Variants in EYA4 observed in about 807,000 individuals in gnomAD.
EYA4 encodes the protein EYA transcriptional coactivator and phosphatase 4, also known as protein phosphatase EYA4.
Under a neutral mutation model 87.9 loss-of-function variants are expected in EYA4, and 31 were observed. That is an observed-to-expected ratio of 0.35 (90% CI 0.27 to 0.48). The LOEUF (loss-of-function observed/expected upper bound fraction) is 0.48. Among genes scored for constraint, EYA4 ranks in the 20% least tolerant of loss-of-function variants. The pLI is 0.99. For synonymous variants in EYA4, 263 were observed against 270.6 expected (o/e 0.97, Z 0.28); for missense variants, 678 against 761.4 (o/e 0.89, Z 1.29).
intron 17 of EYA4, among the ~76,000 whole-genome samples, chr6:133,522,338 G>A (rs79610075): frequency 0.037 from 5,579 of 151,284 alleles, 160 homozygotes; most frequent in Non-Finnish European, 0.054. Flanking sequence ...CTACCGTGTA[G>A]AGTATATACA....
chr6:133,437,686 T>A (rs989003790), intron 3 of EYA4, among the ~76,000 whole-genome samples: 2 of 152,144 alleles, frequency 1.3e-5, no homozygotes, highest in Non-Finnish European at 2.9e-5. Context: ...AAACTTATAA[T>A]TATGGCAAAA....
chr6:133,350,066 G>C (rs1018674683), intron 2 of EYA4, among the ~76,000 whole-genome samples: 2 of 152,070 alleles, frequency 1.3e-5, no homozygotes, highest in African/African-American at 4.8e-5. Flanking sequence ...ATAATTCCTA[G>C]AATCTTTTTG....
intron 3 of EYA4, among the ~76,000 whole-genome samples, chr6:133,387,234 A>G (rs1013478762): frequency 6.6e-6 from 1 of 152,226 alleles, no homozygotes; most frequent in Admixed American, 6.5e-5. Context: ...ATTTGCTAGT[A>G]AAATAATTAT....
At chr6:133,253,870 A>G (rs906920826) in intron 1 of EYA4, among the ~76,000 whole-genome samples, 1 of 152,110 alleles carries the variant, frequency 6.6e-6, no homozygotes, top group African/African-American at 2.4e-5. Flanking sequence ...GGGAGAGATC[A>G]TATCTTTTTC....
intron 2 of EYA4, among the ~76,000 whole-genome samples, chr6:133,319,947 A>G (rs184222088): frequency 6.6e-6 from 1 of 152,066 alleles, no homozygotes; most frequent in Non-Finnish European, 1.5e-5. Flanking sequence ...TCCTGGGCTC[A>G]AGCAATCCAC....
At chr6:133,276,938 C>T (rs562492594) in intron 2 of EYA4, among the ~76,000 whole-genome samples, 1 of 151,208 alleles carries the variant, frequency 6.6e-6, no homozygotes, top group East Asian at 1.9e-4. Context: ...AAGAATCAGC[C>T]CCTTTACATG....
chr6:133,506,510 C>G (rs146672304), intron 14 of EYA4, among the ~76,000 whole-genome samples: 1 of 152,136 alleles, frequency 6.6e-6, no homozygotes, highest in African/African-American at 2.4e-5. Flanking sequence ...ATTATTAACC[C>G]GGAACCTATC....
rs1795036008 is a variant in EYA4 at position 133,468,459 on chromosome 6, A to C, written c.805-107A>C. The C allele has an allele frequency of 1.5e-5, 14 of 916,698 alleles. No individual in the cohort carries two copies. The Middle Eastern group carries it at 6.8e-4, about 45-fold the overall frequency. The allele number at this position is 916,698 out of a possible 1,614,324, so 56.8% of individuals were successfully genotyped here. ...CTCAAAGCTGTGGACTCAGAAACAA[A>C]TGGGGCTGAGTACTAATCTTTCAGT... On this transcript the variant is annotated intron_variant, in intron 10 of 19. Coordinates refer to ENST00000355286, the MANE Select transcript of EYA4 (RefSeq NM_004100.5).
chr6:133,356,997 C>T (rs151162500), intron 2 of EYA4, among the ~76,000 whole-genome samples: 13,464 of 151,724 alleles, frequency 0.089, 758 homozygotes, highest in East Asian at 0.16. Flanking sequence ...AAAGGCCAGG[C>T]GCGGTGGCTC....
intron 11 of EYA4, among the ~76,000 whole-genome samples, chr6:133,469,137 G>T (rs1795111014): frequency 1.3e-5 from 2 of 151,964 alleles, no homozygotes; most frequent in African/African-American, 4.8e-5. Context: ...ACATTCCTGG[G>T]ATTTGTAGAA....
chr6:133,297,294 G>C (rs1779016705), intron 2 of EYA4, among the ~76,000 whole-genome samples: 1 of 152,130 alleles, frequency 6.6e-6, no homozygotes, highest in Non-Finnish European at 1.5e-5. Context: ...CTATCATCTG[G>C]GGTTAGTTTA....
In EYA4 at chr6:133,294,023, TTATATATATATA is replaced by T. The variant is rs71771244; in HGVS notation, c.33+19239_33+19250del. 6.8e-3 allele frequency among the ~76,000 whole-genome samples: 533 copies of T among 78,768 alleles called. 27 individuals carry two copies. Among genetic ancestry groups the T allele is most frequent in the African/African-American group, 0.025 (489 of 19,310 alleles). The allele number at this position is 78,768 out of a possible 152,430, so 51.7% of individuals were successfully genotyped here. On this transcript the variant is annotated intron_variant, in intron 2 of 19. Coordinates refer to ENST00000355286, the MANE Select transcript of EYA4 (RefSeq NM_004100.5). ...AATTCCTGTGCTCCCTAGGGTGATT[TTATATATATATA>T]TATATATATATATATATATATATAT...
chr6:133,321,639 C>T (rs946147324), intron 2 of EYA4, among the ~76,000 whole-genome samples: 1 of 152,104 alleles, frequency 6.6e-6, no homozygotes, highest in Admixed American at 6.5e-5. Context: ...ATTGGTCGAT[C>T]TTGTTCACTG....
At chr6:133,523,650 C>A (rs908896766) in intron 18 of EYA4, among the ~76,000 whole-genome samples, 1 of 152,038 alleles carries the variant, frequency 6.6e-6, no homozygotes, top group African/African-American at 2.4e-5. Flanking sequence ...AACACATGAG[C>A]GACTGGAAAT....
At chr6:133,311,395 G>A (rs763600345) in intron 2 of EYA4, among the ~76,000 whole-genome samples, 4 of 151,702 alleles carry the variant, frequency 2.6e-5, no homozygotes, top group African/African-American at 4.8e-5. Context: ...ATGCGATCAC[G>A]GCTCACTGCA....
Position 133,305,680 on chromosome 6 carries a change from C to T in EYA4, c.33+30867C>T, listed in dbSNP as rs151301870. On this transcript the variant is annotated intron_variant, in intron 2 of 19. Transcript: ENST00000355286. ...AGTTAGCATTGTACAGCCTCCTTAG[C>T]ATGTTTTCTCCTAATCTTCTCACTA... Among the ~76,000 whole-genome samples the T allele has an allele frequency of 4.0e-4, 61 of 152,232 alleles. 1 individual carries two copies. The highest frequency in any genetic ancestry group is 3.4e-3 in the Middle Eastern group (1 of 294).
intron 1 of EYA4, among the ~76,000 whole-genome samples, chr6:133,262,802 C>T (rs1050253570): frequency 1.3e-5 from 2 of 152,168 alleles, no homozygotes; most frequent in African/African-American, 2.4e-5. Context: ...TTATAGACAG[C>T]TCAAAAATAG....
At chr6:133,246,861 C>T (rs1774449914) in intron 1 of EYA4, 1 of 152,044 alleles carries the variant, frequency 6.6e-6, no homozygotes, top group South Asian at 2.1e-4. Flanking sequence ...TCCTATTTTA[C>T]AGATAAGGAA....
chr6:133,341,313 A>G (rs1241962032), intron 2 of EYA4, among the ~76,000 whole-genome samples: 1 of 152,336 alleles, frequency 6.6e-6, no homozygotes, highest in Non-Finnish European at 1.5e-5. Context: ...AAATTACCAT[A>G]TAGGTTAAAT....
Sources: allele counts gnomAD v4.1 joint callset (sites outside exome capture counted in the v4.1 genomes callset), GRCh38; gene constraint gnomAD v4.1.1; transcripts MANE v1.5; gene names NCBI Gene and HGNC (gene_info 2026-07-23, HGNC 2026-07-21).